The following RAB2A variants were observed in gnomAD, a reference collection of about 807,000 sequenced individuals.
RAB2A encodes the protein RAB2A, member RAS oncogene family.
RAB2A carries 7 observed loss-of-function variants against 32.5 expected under a neutral mutation model. The ratio of observed to expected loss-of-function variants is 0.22; its 90% CI spans 0.12 to 0.40. RAB2A has a LOEUF of 0.40. Ranked by LOEUF, RAB2A falls within the 10% of genes least tolerant of loss-of-function variation. RAB2A has a pLI of 1.00. For synonymous variants in RAB2A, 79 were observed against 85.2 expected, an observed-to-expected ratio of 0.93 and a Z score of 0.40; for missense variants, 108 against 260.7, an observed-to-expected ratio of 0.41 and a Z score of 4.03.
intron 2 of RAB2A, among the ~76,000 whole-genome samples, chr8:60,567,143 G>GTCTC (rs900221046): frequency 2.0e-5 from 3 of 147,068 alleles, no homozygotes; most frequent in African/African-American, 7.6e-5. Context: ...TTGAGACAGA[G>GTCTC]TCTCATTCAG....
intron 5 of RAB2A, among the ~76,000 whole-genome samples, chr8:60,586,605 C>A (rs1286622487): frequency 6.6e-6 from 1 of 151,882 alleles, no homozygotes; most frequent in Non-Finnish European, 1.5e-5. Flanking sequence ...TATAAGATGT[C>A]TTCTCAAATT....
intron 4 of RAB2A, 77 bp from the exon 5 acceptor site, chr8:60,584,646 T>C: frequency 8.0e-7 from 1 of 1,252,674 alleles, no homozygotes; most frequent in Non-Finnish European, 1.1e-6. Flanking sequence ...TGGTTCTCTT[T>C]AAAAATATGT....
chr8:60,549,240 C>T (rs74648505), intron 1 of RAB2A, among the ~76,000 whole-genome samples: 18,179 of 151,750 alleles, frequency 0.12, 1,252 homozygotes, highest in East Asian at 0.26. Context: ...GACGGGGTGG[C>T]GGCCGGGCAG....
intron 1 of RAB2A, among the ~76,000 whole-genome samples, chr8:60,553,544 T>C (rs1232953516): frequency 6.6e-6 from 1 of 152,248 alleles, no homozygotes; most frequent in Non-Finnish European, 1.5e-5. Context: ...AAATAATTGT[T>C]ATAAACTGGA....
At chr8:60,533,476 T>A (rs1807507898) in intron 1 of RAB2A, among the ~76,000 whole-genome samples, 1 of 152,152 alleles carries the variant, frequency 6.6e-6, no homozygotes, top group South Asian at 2.1e-4. Context: ...GTGACTGACA[T>A]ATGAAAGAGG....
At chr8:60,605,079 C>T (rs986107272) in intron 6 of RAB2A, among the ~76,000 whole-genome samples, 3 of 152,114 alleles carry the variant, frequency 2.0e-5, no homozygotes, top group African/African-American at 7.3e-5. Context: ...GGCCCCACCA[C>T]CCTGCACAGC....
chr8:60,526,249 T>C (rs1807386862), intron 1 of RAB2A, among the ~76,000 whole-genome samples: 1 of 151,998 alleles, frequency 6.6e-6, no homozygotes, highest in African/African-American at 2.4e-5. Context: ...TATACTTCCA[T>C]GAAACTGTAG....
intron 5 of RAB2A, among the ~76,000 whole-genome samples, chr8:60,586,744 T>C (rs1803856435): frequency 2.0e-5 from 3 of 151,876 alleles, no homozygotes; most frequent in Admixed American, 6.6e-5. Context: ...AGCAAGACCC[T>C]ATCTCTACAA....
Position 60,621,577 on chromosome 8 carries a change from A to G in RAB2A, c.*808A>G, listed in dbSNP as rs1804527173. 6.6e-6 allele frequency: 1 copy of G among 152,228 alleles called. No homozygotes were observed. The highest frequency in any genetic ancestry group is 2.1e-4 in the South Asian group (1 of 4,834). The allele number at this position is 152,228 out of a possible 1,614,324, so 9.4% of individuals were successfully genotyped here. On this transcript the variant is annotated 3_prime_UTR_variant, in exon 8 of 8. Transcript: ENST00000262646. ...GGGAAAAAACACAGTATAATGAGTGAAAAGGGCAGAAGCAAGAAATTTCTA... is the reference window on the plus strand; with the variant it reads ...GGGAAAAAACACAGTATAATGAGTGGAAAGGGCAGAAGCAAGAAATTTCTA...
intron 1 of RAB2A, among the ~76,000 whole-genome samples, chr8:60,524,495 T>C (rs1342819594): frequency 2.0e-5 from 3 of 152,244 alleles, no homozygotes; most frequent in Admixed American, 2.0e-4. Flanking sequence ...AAAGAAACTG[T>C]CCCATTTGAT....
At chr8:60,520,949 T>C (rs1354028306) in intron 1 of RAB2A, among the ~76,000 whole-genome samples, 2 of 152,162 alleles carry the variant, frequency 1.3e-5, no homozygotes, top group Non-Finnish European at 2.9e-5. Flanking sequence ...TCCAAGTAGC[T>C]GGGAACACAG....
intron 2 of RAB2A, among the ~76,000 whole-genome samples, chr8:60,567,318 G>A (rs1316078774): frequency 2.0e-5 from 3 of 152,030 alleles, no homozygotes; most frequent in Admixed American, 1.3e-4. Context: ...GTTTTACCAT[G>A]TTGACCAGGA....
chr8:60,520,785 C>A (rs889564399), intron 1 of RAB2A, among the ~76,000 whole-genome samples: 2 of 151,966 alleles, frequency 1.3e-5, no homozygotes, highest in Non-Finnish European at 2.9e-5. Context: ...ATGTATATAC[C>A]CACCACTTCC....
chr8:60,550,292 A>AAC (rs1262384701), intron 1 of RAB2A, among the ~76,000 whole-genome samples: 1 of 76,354 alleles, frequency 1.3e-5, no homozygotes, highest in Non-Finnish European at 2.2e-5. Flanking sequence ...CTGCCTCACA[A>AAC]ATTCAATTTG....
intron 3 of RAB2A, among the ~76,000 whole-genome samples, chr8:60,573,807 G>A (rs12680781): frequency 0.39 from 58,877 of 152,062 alleles, 11,511 homozygotes; most frequent in East Asian, 0.55. Flanking sequence ...TTTGGAGACA[G>A]GGTCTCACTC....
At chr8:60,516,931 G>T (rs901985810), upstream of RAB2A, 3 of 323,600 alleles carry the variant, frequency 9.3e-6, no homozygotes, top group Non-Finnish European at 1.1e-5. Context: ...GGCGCCGGCG[G>T]CCGCAGAACT....
At chr8:60,584,898 C>T in intron 5 of RAB2A, 83 bp downstream of exon 5, 1 of 957,400 alleles carries the variant, frequency 1.0e-6, no homozygotes, top group South Asian at 2.2e-5. Context: ...AACATTTGTT[C>T]AAATGTGAGT....
rs1804537848 is a variant in RAB2A at position 60,622,140 on chromosome 8, C to CA, written c.*1371_*1372insA. On this transcript the variant is annotated 3_prime_UTR_variant, in exon 8 of 8. Transcript: ENST00000262646. ...CCTTTTTAAAAATTTTGCTAAAATG[C>CA]GACAAATCTCACCATACTGAAATTA... The CA allele has an allele frequency of 6.6e-6, 1 of 151,962 alleles. No individual in the cohort carries two copies. Among genetic ancestry groups the CA allele is most frequent in the Admixed American group, 6.6e-5 (1 of 15,254 alleles). The allele number at this position is 151,962 out of a possible 1,614,324, so 9.4% of individuals were successfully genotyped here.
chr8:60,612,590 C>T (rs952431288), intron 6 of RAB2A, among the ~76,000 whole-genome samples: 11 of 152,062 alleles, frequency 7.2e-5, no homozygotes, highest in African/African-American at 2.4e-4. Context: ...ATAGCTGATC[C>T]TAATAAAGGA....
Sources: allele counts gnomAD v4.1 joint callset (sites outside exome capture counted in the v4.1 genomes callset), GRCh38; gene constraint gnomAD v4.1.1; transcripts MANE v1.5; gene names NCBI Gene and HGNC (gene_info 2026-07-23, HGNC 2026-07-21).